Variants in STAU2 observed in about 807,000 individuals in gnomAD.
STAU2 encodes double-stranded RNA-binding protein Staufen homolog 2.
A neutral mutation model predicts 65.9 loss-of-function variants in STAU2; 20 were observed. The ratio of observed to expected loss-of-function variants is 0.30; its 90% CI spans 0.21 to 0.44. STAU2 has a LOEUF of 0.44. STAU2 is among the 20% of genes least tolerant of loss of function. STAU2 has a pLI of 1.00. For synonymous variants in STAU2, 232 were observed against 233.9 expected (o/e 0.99, Z 0.07); for missense variants, 558 against 683.9 (o/e 0.82, Z 2.05).
intron 1 of STAU2, among the ~76,000 whole-genome samples, chr8:73,745,194 A>G (rs1428140225): frequency 6.6e-6 from 1 of 152,260 alleles, no homozygotes; most frequent in Non-Finnish European, 1.5e-5. Context: ...CGCAAATTTA[A>G]TACAGGCCTG....
intron 11 of STAU2, among the ~76,000 whole-genome samples, chr8:73,590,107 G>A (rs1487364603): frequency 6.8e-6 from 1 of 148,060 alleles, no homozygotes; most frequent in East Asian, 2.0e-4. Flanking sequence ...AAGGAAGTAG[G>A]AGGAGAAGAA....
At chr8:73,567,992 T>TA (rs1356499505) in intron 12 of STAU2, among the ~76,000 whole-genome samples, 1 of 152,238 alleles carries the variant, frequency 6.6e-6, no homozygotes, top group Non-Finnish European at 1.5e-5. Flanking sequence ...AAATACTTTC[T>TA]AAAAAAATGA....
At chr8:73,562,403 T>A (rs1447983099) in intron 12 of STAU2, among the ~76,000 whole-genome samples, 1 of 152,196 alleles carries the variant, frequency 6.6e-6, no homozygotes, top group Admixed American at 6.5e-5. Flanking sequence ...GGAGGATCCC[T>A]TGAGCAGAGG....
intron 13 of STAU2, among the ~76,000 whole-genome samples, chr8:73,473,047 C>T (rs919276231): frequency 1.3e-5 from 2 of 152,176 alleles, no homozygotes; most frequent in Non-Finnish European, 2.9e-5. Context: ...TAACACTCCA[C>T]ACAATAGCCA....
chr8:73,494,089 T>C (rs1320373796), intron 13 of STAU2, among the ~76,000 whole-genome samples: 1 of 151,784 alleles, frequency 6.6e-6, no homozygotes, highest in Non-Finnish European at 1.5e-5. Context: ...TTTTATATCT[T>C]GACAGGGGTT....
At chr8:73,446,869 T>A (rs553703925) in intron 13 of STAU2, among the ~76,000 whole-genome samples, 47 of 152,284 alleles carry the variant, frequency 3.1e-4, no homozygotes, top group Non-Finnish European at 4.6e-4. Context: ...TTCAATCAAC[T>A]CCAATCTCAT....
At chr8:73,639,468 A>C (rs941450867) in intron 6 of STAU2, among the ~76,000 whole-genome samples, 3 of 152,106 alleles carry the variant, frequency 2.0e-5, no homozygotes, top group Non-Finnish European at 1.5e-5. Context: ...AAGCCTAGCA[A>C]CATATTCTAG....
intron 13 of STAU2, among the ~76,000 whole-genome samples, chr8:73,466,193 TAAGCCA>T (rs1212651281): frequency 6.6e-6 from 1 of 152,246 alleles, no homozygotes; most frequent in Non-Finnish European, 1.5e-5. Flanking sequence ...TACATTCCTT[TAAGCCA>T]AAATACCATG....
At chr8:73,448,312 G>A (rs1334997397) in intron 13 of STAU2, among the ~76,000 whole-genome samples, 2 of 151,210 alleles carry the variant, frequency 1.3e-5, no homozygotes, top group African/African-American at 4.9e-5. Context: ...TTTTTTTGGA[G>A]TCTCGCTCTG....
At chr8:73,432,961 C>T (rs769904261) in intron 13 of STAU2, among the ~76,000 whole-genome samples, 17 of 152,136 alleles carry the variant, frequency 1.1e-4, no homozygotes, top group Non-Finnish European at 2.4e-4. Context: ...CATTTAAAAT[C>T]GAGCACTTAA....
chr8:73,721,662 C>T lies in STAU2; in HGVS notation c.-17-12500G>A, dbSNP rs918668018. Reference sequence around the variant, plus strand: ...TCTTTACCATTATAAATGAAATGACCTTCTTTATCCCTGGAAATATTCCTT... The same window carrying T: ...TCTTTACCATTATAAATGAAATGACTTTCTTTATCCCTGGAAATATTCCTT... On this transcript the variant is annotated intron_variant, in intron 3 of 14. Coordinates refer to ENST00000524300, the MANE Select transcript of STAU2 (RefSeq NM_001164380.2). Among the ~76,000 whole-genome samples the T allele has an allele frequency of 3.9e-5, 6 of 152,204 alleles. No homozygotes were observed. The South Asian group carries it at 1.0e-3, about 26-fold the overall frequency.
chr8:73,564,636 C>T (rs1448183929), intron 12 of STAU2, among the ~76,000 whole-genome samples: 1 of 151,898 alleles, frequency 6.6e-6, no homozygotes, highest in Non-Finnish European at 1.5e-5. Context: ...AACAAACCTG[C>T]ATGTGTACCC....
chr8:73,513,508 T>C (rs1194412417), intron 13 of STAU2, among the ~76,000 whole-genome samples: 1 of 152,194 alleles, frequency 6.6e-6, no homozygotes, highest in Non-Finnish European at 1.5e-5. Flanking sequence ...CCTTTTTGCA[T>C]CTTCTCTGCA....
intron 13 of STAU2, among the ~76,000 whole-genome samples, chr8:73,506,885 T>C (rs1822100247): frequency 6.6e-6 from 1 of 152,214 alleles, no homozygotes; most frequent in Non-Finnish European, 1.5e-5. Context: ...TCACAGTATC[T>C]TCACCAGGAG....
intron 6 of STAU2, among the ~76,000 whole-genome samples, chr8:73,625,172 A>C (rs188331739): frequency 1.4e-4 from 21 of 152,354 alleles, no homozygotes; most frequent in Admixed American, 1.3e-3. Context: ...TCAAAAAATT[A>C]AAAGCAGAAT....
In STAU2 at chr8:73,739,776, T is replaced by C; in HGVS notation, c.-104A>G. ...ATTACCTTCTGAGCCTTGGTTCAAATTACTTTGTGTATCTTTGAGTTCTTC... is the reference window on the plus strand; with the variant it reads ...ATTACCTTCTGAGCCTTGGTTCAAACTACTTTGTGTATCTTTGAGTTCTTC... On this transcript the variant is annotated 5_prime_UTR_variant, in exon 2 of 15. Transcript: ENST00000524300. 6.6e-7 allele frequency: 1 copy of C among 1,520,794 alleles called. No individual in the cohort carries two copies. The highest frequency in any genetic ancestry group is 8.7e-7 in the Non-Finnish European group (1 of 1,143,038). The allele number at this position is 1,520,794 out of a possible 1,614,324, so 94.2% of individuals were successfully genotyped here. A position where few individuals can be genotyped will look rare whatever the true frequency, so the allele number is the denominator to read the frequency against.
intron 6 of STAU2, among the ~76,000 whole-genome samples, chr8:73,625,193 C>T (rs1314182174): frequency 6.6e-6 from 1 of 152,120 alleles, no homozygotes; most frequent in Non-Finnish European, 1.5e-5. Flanking sequence ...TACCACTTGA[C>T]CCAGCAGTTT....
upstream of STAU2, chr8:73,747,401 C>T: frequency 6.5e-7 from 1 of 1,535,470 alleles, no homozygotes; most frequent in Non-Finnish European, 8.7e-7. Context: ...CCCAGGCTCT[C>T]CGGCTGCCCC....
At chr8:73,718,705 T>C (rs374303272) in intron 3 of STAU2, among the ~76,000 whole-genome samples, 40 of 152,370 alleles carry the variant, frequency 2.6e-4, no homozygotes, top group South Asian at 1.2e-3. Context: ...TATTCAGGTA[T>C]CCTTTAATTT....
Sources: gnomAD v4.1 joint callset for allele counts (sites outside exome capture counted in the v4.1 genomes callset) on GRCh38, gnomAD v4.1.1 for gene constraint, MANE v1.5 for transcripts, NCBI Gene and HGNC (gene_info 2026-07-23, HGNC 2026-07-21) for gene names.